The following CFAP418 variants were observed in gnomAD, a reference collection of about 807,000 sequenced individuals.
CFAP418 encodes the protein cilia- and flagella-associated protein 418.
Under a neutral mutation model 24.7 loss-of-function variants are expected in CFAP418, and 27 were observed. The ratio of observed to expected loss-of-function variants is 1.09; its 90% CI spans 0.81 to 1.51. CFAP418 has a LOEUF of 1.51. Among genes scored for constraint, CFAP418 ranks in the 40% most tolerant of loss-of-function variants. CFAP418 has a pLI of 0.00. For missense variants in CFAP418, 257 were observed against 255.2 expected (o/e 1.01, Z -0.05); for synonymous variants, 74 against 87.3 (o/e 0.85, Z 0.85).
At chr8:95,266,881 G>C (rs146185646) in intron 1 of CFAP418, among the ~76,000 whole-genome samples, 2,530 of 152,310 alleles carry the variant, frequency 0.017, 42 homozygotes, top group Non-Finnish European at 0.019. Flanking sequence ...ACCCATGGTT[G>C]GAGAAGATCC....
At position 95,252,269 on chromosome 8, in the gene CFAP418, A is replaced by C; in HGVS notation, c.389T>G (p.Leu130Arg). The C allele has an allele frequency of 6.2e-7, 1 of 1,613,324 alleles. No homozygotes were observed. Among genetic ancestry groups the C allele is most frequent in the Non-Finnish European group, 8.5e-7 (1 of 1,179,394 alleles). The change falls in exon 5 of 6, where the codon CTG (leucine) becomes CGG (arginine). Residue 130 changes from leucine to arginine, a missense_variant. Leu to Arg is a moderately radical substitution (Grantham distance 102). Transcript: ENST00000286688. ...TNISWRACDH[L>R]RCIACDFLVV... Reference sequence around the variant, plus strand: ...CAAGAAATCACAGGCTATACAACGCAGATGGTCACATGCTCTGTTCAGAGA... The same window carrying C: ...CAAGAAATCACAGGCTATACAACGCCGATGGTCACATGCTCTGTTCAGAGA...
At chr8:95,261,106 G>A (rs1168206661) in intron 2 of CFAP418, among the ~76,000 whole-genome samples, 2 of 152,136 alleles carry the variant, frequency 1.3e-5, no homozygotes, top group East Asian at 3.8e-4. Context: ...TCATTAGCAA[G>A]CATTTATTAA....
chr8:95,268,384 G>A (rs1334453684), intron 1 of CFAP418, among the ~76,000 whole-genome samples: 2 of 152,092 alleles, frequency 1.3e-5, no homozygotes, highest in South Asian at 4.1e-4. Flanking sequence ...GCCGAGGTGG[G>A]AGGATCTTTG....
Position 95,246,814 on chromosome 8 carries a change from G to T in CFAP418, c.*803C>A, listed in dbSNP as rs1031842353. On this transcript the variant is annotated 3_prime_UTR_variant, in exon 6 of 6. Transcript: ENST00000286688. ...GGCTGCCTGAAAAATTATATTACTT[G>T]CTGTTTACTTCCCTTGATGGAGTTT... 3.9e-5 allele frequency: 6 copies of T among 152,168 alleles called. No homozygotes were observed. The highest frequency in any genetic ancestry group is 7.3e-5 in the Non-Finnish European group (5 of 68,036). The allele number at this position is 152,168 out of a possible 1,614,324, so 9.4% of individuals were successfully genotyped here.
intron 4 of CFAP418, among the ~76,000 whole-genome samples, chr8:95,255,488 T>C (rs1277390381): frequency 6.6e-6 from 1 of 152,212 alleles, no homozygotes; most frequent in African/African-American, 2.4e-5. Flanking sequence ...TCATATTAGT[T>C]AGAGTGTCCA....
At chr8:95,259,949 A>C in intron 3 of CFAP418, 44 bp from the exon 4 acceptor site, 1 of 1,504,760 alleles carries the variant, frequency 6.6e-7, no homozygotes, top group Non-Finnish European at 8.9e-7. Flanking sequence ...TTATAACAAA[A>C]AATAGGAGAA....
chr8:95,263,626 T>C (rs1389325492), intron 2 of CFAP418, 61 bp downstream of exon 2: 3 of 1,043,058 alleles, frequency 2.9e-6, no homozygotes, highest in Non-Finnish European at 4.4e-6. Flanking sequence ...TCTTTAAGAC[T>C]ATTCTAAACA....
chr8:95,251,398 C>T (rs1010217280), intron 5 of CFAP418, among the ~76,000 whole-genome samples: 13 of 152,154 alleles, frequency 8.5e-5, no homozygotes, highest in African/African-American at 3.1e-4. Context: ...GAATGGGAGC[C>T]TTGAGTACTC....
intron 2 of CFAP418, among the ~76,000 whole-genome samples, chr8:95,262,935 A>G (rs1347012079): frequency 1.3e-5 from 2 of 152,218 alleles, no homozygotes; most frequent in African/African-American, 4.8e-5. Flanking sequence ...TCATCAGGGA[A>G]GTGGATAAAC....
chr8:95,263,848 T>C, intron 1 of CFAP418, 74 bp from the exon 2 acceptor site: 1 of 855,602 alleles, frequency 1.2e-6, no homozygotes, highest in Non-Finnish European at 1.9e-6. Context: ...AGAAGAGTTT[T>C]GCTTAAAGTC....
At chr8:95,266,678 C>A (rs2132166678) in intron 1 of CFAP418, among the ~76,000 whole-genome samples, 1 of 152,172 alleles carries the variant, frequency 6.6e-6, no homozygotes, top group African/African-American at 2.4e-5. Flanking sequence ...AAGGTTTAGG[C>A]CCTTTGTTGC....
chr8:95,253,829 A>G (rs912408925), intron 4 of CFAP418, among the ~76,000 whole-genome samples: 1 of 152,226 alleles, frequency 6.6e-6, no homozygotes, highest in African/African-American at 2.4e-5. Context: ...TTATGCATAT[A>G]TAGTTTATTA....
intron 5 of CFAP418, among the ~76,000 whole-genome samples, chr8:95,250,854 G>T (rs1811695108): frequency 6.6e-6 from 1 of 152,066 alleles, no homozygotes; most frequent in Non-Finnish European, 1.5e-5. Flanking sequence ...TTTGCAAAGT[G>T]GTTCTTGATG....
intron 1 of CFAP418, chr8:95,268,775 C>A (rs1055643719): frequency 5.3e-5 from 6 of 113,512 alleles, no homozygotes; most frequent in African/African-American, 1.8e-4. Context: ...CGGGGCGGGG[C>A]GGGGCGGGGC....
At chr8:95,257,341 C>T (rs1811807326) in intron 4 of CFAP418, among the ~76,000 whole-genome samples, 1 of 152,180 alleles carries the variant, frequency 6.6e-6, no homozygotes, top group African/African-American at 2.4e-5. Flanking sequence ...TTCTTTATAG[C>T]TCTAACAGTA....
At chr8:95,256,375 T>A (rs1019144384) in intron 4 of CFAP418, among the ~76,000 whole-genome samples, 3 of 152,218 alleles carry the variant, frequency 2.0e-5, no homozygotes, top group African/African-American at 7.2e-5. Context: ...AAAGACACCT[T>A]AATTAGAACC....
At chr8:95,250,715 C>T (rs1428988787) in intron 5 of CFAP418, among the ~76,000 whole-genome samples, 1 of 152,128 alleles carries the variant, frequency 6.6e-6, no homozygotes, top group Non-Finnish European at 1.5e-5. Context: ...GGTTCCTAAC[C>T]TCAGATTTTG....
At chr8:95,260,421 T>G (rs1310693606) in intron 3 of CFAP418, 47 bp downstream of exon 3, 52 of 1,305,354 alleles carry the variant, frequency 4.0e-5, no homozygotes, top group Non-Finnish European at 5.5e-5. Flanking sequence ...ATGCTCATAG[T>G]GTTTGCTCAA....
At chr8:95,250,518 T>C (rs866843569) in intron 5 of CFAP418, among the ~76,000 whole-genome samples, 61 of 152,334 alleles carry the variant, frequency 4.0e-4, no homozygotes, top group East Asian at 1.9e-3. Context: ...TATTATCCTA[T>C]GATAGTTTTA....
Sources: gnomAD v4.1 joint callset for allele counts (sites outside exome capture counted in the v4.1 genomes callset) on GRCh38, gnomAD v4.1.1 for gene constraint, MANE v1.5 for transcripts, NCBI Gene and HGNC (gene_info 2026-07-23, HGNC 2026-07-21) for gene names.